CHP1: variants seen among roughly 807,000 people sequenced by gnomAD.
CHP1 encodes the protein calcineurin like EF-hand protein 1.
Under a neutral mutation model 27.4 loss-of-function variants are expected in CHP1, and 11 were observed. The ratio of observed to expected loss-of-function variants is 0.40; its 90% CI spans 0.25 to 0.67. CHP1 has a LOEUF of 0.67. Ranked by LOEUF, CHP1 falls within the 30% of genes least tolerant of loss-of-function variation. The pLI, the probability that CHP1 is intolerant of heterozygous loss-of-function variation, is 0.38. For synonymous variants in CHP1, 89 were observed against 87.4 expected (o/e 1.02, Z -0.10); for missense variants, 169 against 251.3 (o/e 0.67, Z 2.22).
At chr15:41,234,458 A>G (rs565729430) in intron 1 of CHP1, among the ~76,000 whole-genome samples, 2 of 152,220 alleles carry the variant, frequency 1.3e-5, no homozygotes, top group Non-Finnish European at 2.9e-5. Context: ...CCAGTACAAA[A>G]TGTAACATAA....
At chr15:41,246,125 T>G (rs899967543) in intron 2 of CHP1, among the ~76,000 whole-genome samples, 4 of 152,150 alleles carry the variant, frequency 2.6e-5, no homozygotes, top group Non-Finnish European at 5.9e-5. Context: ...TTTGTAATTT[T>G]AGCTCCAATA....
chr15:41,278,716 A>T, intron 5 of CHP1, 51 bp from the exon 6 acceptor site: 1 of 1,610,906 alleles, frequency 6.2e-7, no homozygotes, highest in Non-Finnish European at 8.5e-7. Flanking sequence ...CTTAGTAAAG[A>T]GTCCCTCTGA....
chr15:41,274,173 C>T (rs1778420060), intron 5 of CHP1, among the ~76,000 whole-genome samples: 1 of 151,960 alleles, frequency 6.6e-6, no homozygotes, highest in South Asian at 2.1e-4. Context: ...ATTGGCCAGG[C>T]TGGTCTTGAA....
At chr15:41,242,338 C>T (rs1332350692) in intron 1 of CHP1, among the ~76,000 whole-genome samples, 3 of 152,140 alleles carry the variant, frequency 2.0e-5, no homozygotes, top group Non-Finnish European at 4.4e-5. Flanking sequence ...GTTTGATGTA[C>T]CCCAATCAAA....
chr15:41,262,960 T>C lies in CHP1; in HGVS notation c.349+77T>C, dbSNP rs2047440986. ...AGTCATGTATTTACTCACTCATTAT[T>C]TGAACAAGCATCTACAAGAGCATAC... On this transcript the variant is annotated intron_variant, in intron 4 of 6. Transcript: ENST00000334660. The C allele has an allele frequency of 1.9e-6, 3 of 1,566,624 alleles. No individual in the cohort carries two copies. In the African/African-American group the frequency reaches 4.1e-5, roughly 21 times the overall value.
intron 4 of CHP1, among the ~76,000 whole-genome samples, chr15:41,269,824 A>T: frequency 6.6e-6 from 1 of 152,270 alleles, no homozygotes; most frequent in African/African-American, 2.4e-5. Flanking sequence ...GGGACAAGAC[A>T]TTCACATCCT....
intron 2 of CHP1, among the ~76,000 whole-genome samples, chr15:41,254,310 T>C (rs549006332): frequency 3.7e-4 from 56 of 152,328 alleles, no homozygotes; most frequent in South Asian, 2.7e-3. Flanking sequence ...AAACTGCCTT[T>C]TCTCAGCTAA....
chr15:41,233,428 A>G (rs577836345), intron 1 of CHP1, among the ~76,000 whole-genome samples: 50 of 152,326 alleles, frequency 3.3e-4, no homozygotes, highest in African/African-American at 1.1e-3. Context: ...TATTTTTACC[A>G]TGTGGCTTGT....
chr15:41,238,469 G>C (rs1348671041), intron 1 of CHP1, among the ~76,000 whole-genome samples: 1 of 151,756 alleles, frequency 6.6e-6, no homozygotes, highest in African/African-American at 2.4e-5. Flanking sequence ...AGCCAAACAG[G>C]GTCTTTTAAA....
intron 1 of CHP1, among the ~76,000 whole-genome samples, chr15:41,238,045 T>G (rs2047286239): frequency 6.6e-6 from 1 of 152,172 alleles, no homozygotes. Flanking sequence ...TTTTTATTCT[T>G]TCCTCTGCCA....
intron 5 of CHP1, among the ~76,000 whole-genome samples, chr15:41,271,234 G>A (rs970836339): frequency 1.2e-3 from 170 of 137,620 alleles, no homozygotes; most frequent in African/African-American, 4.6e-3. Context: ...CAGCCTGGGC[G>A]ACAGAGCAAG....
chr15:41,271,770 A>G (rs2047490929), intron 5 of CHP1, among the ~76,000 whole-genome samples: 1 of 152,178 alleles, frequency 6.6e-6, no homozygotes. Flanking sequence ...TTACATTTCT[A>G]TCAGCAAAAA....
intron 1 of CHP1, among the ~76,000 whole-genome samples, chr15:41,235,397 G>A (rs138458198): frequency 1.3e-4 from 20 of 152,184 alleles, no homozygotes; most frequent in Admixed American, 7.9e-4. Context: ...ATGGTGAAGC[G>A]TGCCTGCAGT....
chr15:41,264,249 C>T, intron 4 of CHP1: 1 of 1,278,492 alleles, frequency 7.8e-7, no homozygotes, highest in Non-Finnish European at 1.0e-6. Flanking sequence ...AGTCCTTCCC[C>T]TCACTTTGAT....
chr15:41,278,982 G>T, intron 6 of CHP1, 93 bp downstream of exon 6: 1 of 1,508,266 alleles, frequency 6.6e-7, no homozygotes, highest in East Asian at 2.3e-5. Flanking sequence ...GGAGGCCAAG[G>T]TGGGCGGATC....
chr15:41,243,829 G>A (rs749115532), intron 2 of CHP1, 90 bp downstream of exon 2: 4 of 1,044,176 alleles, frequency 3.8e-6, no homozygotes, highest in Non-Finnish European at 5.8e-6. Context: ...GGGTAGACAT[G>A]ATAGACATCC....
At chr15:41,275,702 G>A (rs979273510) in intron 5 of CHP1, among the ~76,000 whole-genome samples, 14 of 152,068 alleles carry the variant, frequency 9.2e-5, no homozygotes, top group African/African-American at 2.9e-4. Context: ...CGCCTGAGTA[G>A]CTGGTACTAT....
intron 4 of CHP1, among the ~76,000 whole-genome samples, chr15:41,263,535 AAATTT>A (rs2047443853): frequency 6.6e-6 from 1 of 152,200 alleles, no homozygotes; most frequent in Admixed American, 6.5e-5. Context: ...AATTGAAATT[AAATTT>A]ATCTTTTTAT....
Position 41,262,856 on chromosome 15 carries a change from C to A in CHP1, c.322C>A (p.Leu108Ile). The change falls in exon 4 of 7, where the codon CTC (leucine) becomes ATC (isoleucine). Residue 108 changes from leucine to isoleucine, a missense_variant. By Grantham distance (5) the Leu-to-Ile change is conservative. Coordinates refer to ENST00000334660, the MANE Select transcript of CHP1 (RefSeq NM_007236.5). The part of the protein sequence containing the change: ...KSKDVNGPEP[L>I]NSRSNKLHFA... ...CAAAGATGTGAATGGACCCGAACCA[C>A]TCAACAGCCGAAGCAACAAACTGCA... 6.2e-7 allele frequency: 1 copy of A among 1,614,124 alleles called. No homozygotes were observed. Among genetic ancestry groups the A allele is most frequent in the Non-Finnish European group, 8.5e-7 (1 of 1,180,012 alleles).
Sources: allele counts gnomAD v4.1 joint callset (sites outside exome capture counted in the v4.1 genomes callset), GRCh38; gene constraint gnomAD v4.1.1; transcripts MANE v1.5; gene names NCBI Gene and HGNC (gene_info 2026-07-23, HGNC 2026-07-21).